Variants in GTF2IRD1 observed in about 807,000 individuals in gnomAD.
GTF2IRD1 encodes the protein general transcription factor II-I repeat domain-containing protein 1.
A neutral mutation model predicts 113.2 loss-of-function variants in GTF2IRD1; 26 were observed. The ratio of observed to expected loss-of-function variants is 0.23; its 90% confidence interval spans 0.17 to 0.32. The LOEUF (loss-of-function observed/expected upper bound fraction) is 0.32. Among genes scored for constraint, GTF2IRD1 ranks in the 10% least tolerant of loss-of-function variants. The pLI is 1.00. For synonymous variants in GTF2IRD1, 484 were observed against 529.1 expected, an observed-to-expected ratio of 0.91 and a Z score of 1.17; for missense variants, 864 against 1,280.8, an observed-to-expected ratio of 0.67 and a Z score of 4.97.
Position 74,519,503 on chromosome 7 carries a change from G to C in GTF2IRD1, c.700G>C (p.Gly234Arg). The C allele has an allele frequency of 6.2e-7, 1 of 1,610,218 alleles. No individual in the cohort carries two copies. The change falls in exon 6 of 27, where the codon GGC becomes CGC. Residue 234 changes from glycine to arginine, a missense_variant. By Grantham distance (125) the Gly-to-Arg change is moderately radical. This residue lies in a region of GTF2IRD1 where 195 missense variants were observed against 196.6 expected (regional missense o/e 0.99). Transcript: ENST00000424337. ...GGGGTCACGGGACTGTGGCCTGCAT[G>C]GCCAGGCCCCCAAGGTGCCACCCCA... ...PKGSRDCGLH[G>R]QAPKVPPQDL... is the part of the protein sequence containing the mutation.
intron 4 of GTF2IRD1, among the ~76,000 whole-genome samples, chr7:74,517,427 C>CTTTTTTTTTTTTT (rs59499031): frequency 3.9e-5 from 3 of 77,402 alleles, no homozygotes; most frequent in East Asian, 4.5e-4. Flanking sequence ...CTCCCTACAC[C>CTTTTTTTTTTTTT]TTTTTTTTTT....
At chr7:74,477,080 G>A (rs574508267) in intron 1 of GTF2IRD1, among the ~76,000 whole-genome samples, 15 of 152,232 alleles carry the variant, frequency 9.9e-5, no homozygotes, top group East Asian at 9.7e-4. Flanking sequence ...AAGCAAGAAC[G>A]GGGCTGGGCG....
At chr7:74,473,816 A>T (rs1305377705) in intron 1 of GTF2IRD1, among the ~76,000 whole-genome samples, 1 of 152,168 alleles carries the variant, frequency 6.6e-6, no homozygotes, top group Non-Finnish European at 1.5e-5. Context: ...TTTGGCTCAG[A>T]AAACGATATC....
At chr7:74,583,846 T>A (rs1801570001) in intron 22 of GTF2IRD1, among the ~76,000 whole-genome samples, 1 of 152,076 alleles carries the variant, frequency 6.6e-6, no homozygotes, top group African/African-American at 2.4e-5. Flanking sequence ...TCCTTGTGTC[T>A]TACTCACCGC....
chr7:74,533,130 A>G (rs754089642), intron 9 of GTF2IRD1, among the ~76,000 whole-genome samples: 32 of 143,292 alleles, frequency 2.2e-4, no homozygotes, highest in Non-Finnish European at 3.5e-4. Flanking sequence ...GGTTCCATGC[A>G]TCATTTTTTT....
rs587613656 is a variant in GTF2IRD1, at chr7:74,538,145, G to C, written c.1419G>C (p.Lys473Asn). ...LDLAGNARSD[K>N]GSMSEDCGPG... ...CTGCTTCCCTTCACAGGTCAGACAAGGGCAGCATGTCTGAAGACTGTGGGC... is the reference window on the plus strand; with the variant it reads ...CTGCTTCCCTTCACAGGTCAGACAACGGCAGCATGTCTGAAGACTGTGGGC... Residue 473 changes from lysine to asparagine, a missense_variant, in exon 12 of 27, where the codon AAG (lysine) becomes AAC (asparagine). By Grantham distance (94) the Lys-to-Asn change is moderately conservative. Coordinates refer to ENST00000424337, the MANE Select transcript of GTF2IRD1 (RefSeq NM_005685.4). 6.2e-7 allele frequency: 1 copy of C among 1,612,378 alleles called. No homozygotes were observed. The highest frequency in any genetic ancestry group is 1.1e-5 in the South Asian group (1 of 91,002).
chr7:74,486,886 G>A (rs1372166739), intron 1 of GTF2IRD1, among the ~76,000 whole-genome samples: 5 of 152,128 alleles, frequency 3.3e-5, no homozygotes, highest in African/African-American at 1.2e-4. Flanking sequence ...CACTGAGGGT[G>A]GCGTGGGGAA....
At chr7:74,473,357 C>G (rs1346626837) in intron 1 of GTF2IRD1, among the ~76,000 whole-genome samples, 2 of 152,076 alleles carry the variant, frequency 1.3e-5, no homozygotes, top group Non-Finnish European at 2.9e-5. Flanking sequence ...TGTCCACCAG[C>G]CTGGGGCTGC....
At chr7:74,572,354 A>G (rs188029349) in intron 22 of GTF2IRD1, among the ~76,000 whole-genome samples, 2 of 152,254 alleles carry the variant, frequency 1.3e-5, no homozygotes, top group Admixed American at 6.5e-5. Flanking sequence ...TTAACTTGCT[A>G]TCTCTGATCT....
chr7:74,565,480 G>A (rs1470092670), intron 22 of GTF2IRD1, among the ~76,000 whole-genome samples: 4 of 152,022 alleles, frequency 2.6e-5, no homozygotes, highest in East Asian at 1.9e-4. Context: ...AGCCAAGATC[G>A]CGCCATTGCA....
At chr7:74,538,211 CG>C in intron 12 of GTF2IRD1, 38 bp downstream of exon 12, 1 of 1,604,852 alleles carries the variant, frequency 6.2e-7, no homozygotes, top group Non-Finnish European at 8.5e-7. Flanking sequence ...TGTGGTGGGC[CG>C]GGAGGGCAAC....
At chr7:74,536,079 A>G (rs1554350098) in intron 10 of GTF2IRD1, 88 bp from the exon 11 acceptor site, 1 of 833,378 alleles carries the variant, frequency 1.2e-6, no homozygotes, top group East Asian at 2.5e-5. Context: ...GGATTCCCCC[A>G]GCTTCACACA....
chr7:74,518,354 G>A (rs587730644), intron 5 of GTF2IRD1, 32 bp downstream of exon 5: 13 of 1,528,990 alleles, frequency 8.5e-6, no homozygotes, highest in Admixed American at 1.9e-5. Flanking sequence ...GGGCTGGGCT[G>A]GGGCTGGGCC....
At chr7:74,593,732 CAAAAAAA>C (rs1554370932) in intron 24 of GTF2IRD1, among the ~76,000 whole-genome samples, 7 of 81,638 alleles carry the variant, frequency 8.6e-5, no homozygotes, top group East Asian at 7.5e-4. Flanking sequence ...GACTCCATCT[CAAAAAAA>C]AAAAAAAAAA....
intron 10 of GTF2IRD1, 50 bp downstream of exon 10, chr7:74,535,188 A>G: frequency 2.0e-6 from 3 of 1,512,782 alleles, no homozygotes; most frequent in Non-Finnish European, 2.8e-6. Flanking sequence ...TTGGTTCCCC[A>G]ACAGAACCCG....
At chr7:74,573,489 T>C (rs1800817285) in intron 22 of GTF2IRD1, among the ~76,000 whole-genome samples, 2 of 150,948 alleles carry the variant, frequency 1.3e-5, no homozygotes, top group Admixed American at 1.3e-4. Context: ...TTTAGAGTCT[T>C]TTGCAACATC....
chr7:74,530,237 G>A (rs1797880788), intron 9 of GTF2IRD1, among the ~76,000 whole-genome samples: 1 of 152,090 alleles, frequency 6.6e-6, no homozygotes, highest in Admixed American at 6.6e-5. Flanking sequence ...GTGGGCGTAG[G>A]GGTCTGGCCT....
At chr7:74,502,484 AGGGTGTTT>A (rs1470870909) in intron 1 of GTF2IRD1, among the ~76,000 whole-genome samples, 3 of 152,224 alleles carry the variant, frequency 2.0e-5, no homozygotes, top group Non-Finnish European at 1.5e-5. Context: ...CGCCAGGTGC[AGGGTGTTT>A]GGGATTGGAA....
chr7:74,509,823 C>T (rs546386027), intron 2 of GTF2IRD1, among the ~76,000 whole-genome samples: 1 of 151,992 alleles, frequency 6.6e-6, no homozygotes, highest in East Asian at 2.0e-4. Context: ...CAGGCCCCCA[C>T]CACCACACGT....
Sources: gnomAD v4.1 joint callset for allele counts (sites outside exome capture counted in the v4.1 genomes callset) on GRCh38, gnomAD v4.1.1 for gene constraint, gnomAD v4.1.1 regional missense constraint, MANE v1.5 for transcripts, NCBI Gene and HGNC (gene_info 2026-07-23, HGNC 2026-07-21) for gene names.